The following MALRD1 variants were observed in gnomAD, a reference collection of about 807,000 sequenced individuals.
MALRD1 encodes MAM and LDL-receptor class A domain-containing protein 1.
In MALRD1, 247 loss-of-function variants were observed where a neutral mutation model predicts 242.1. That is an observed-to-expected ratio of 1.02 (90% CI 0.92 to 1.13). The LOEUF (loss-of-function observed/expected upper bound fraction) is 1.13. Ranked by LOEUF, MALRD1 falls within the 50% of genes most tolerant of loss-of-function variation. The pLI, the probability that MALRD1 is intolerant of heterozygous loss-of-function variation, is 0.00. For missense variants in MALRD1, 2,989 were observed against 2,533.1 expected (o/e 1.18, Z -3.86); for synonymous variants, 995 against 866.6 (o/e 1.15, Z -2.60).
At chr10:19,422,236 C>T (rs910922004) in intron 28 of MALRD1, among the ~76,000 whole-genome samples, 6 of 152,182 alleles carry the variant, frequency 3.9e-5, no homozygotes, top group Non-Finnish European at 7.4e-5. Flanking sequence ...TGGAATGCCA[C>T]TTTGCAGTAC....
chr10:19,407,960 A>G (rs1250959751), intron 28 of MALRD1, among the ~76,000 whole-genome samples: 1 of 152,188 alleles, frequency 6.6e-6, no homozygotes, highest in African/African-American at 2.4e-5. Context: ...CACTGTTACC[A>G]AACACCATGG....
At chr10:19,427,976 C>T (rs1833964446) in intron 28 of MALRD1, among the ~76,000 whole-genome samples, 1 of 152,106 alleles carries the variant, frequency 6.6e-6, no homozygotes, top group African/African-American at 2.4e-5. Context: ...TCTCAAATTG[C>T]ATACACTAAT....
At chr10:19,489,070 C>CCGCGCA (rs1564384506) in intron 29 of MALRD1, 6 of 459,448 alleles carry the variant, frequency 1.3e-5, no homozygotes, top group Middle Eastern at 3.3e-4. Flanking sequence ...GCGCCAGGCA[C>CCGCGCA]CGCGCACGCG....
intron 31 of MALRD1, among the ~76,000 whole-genome samples, chr10:19,500,932 G>A (rs745543740): frequency 6.6e-6 from 1 of 151,994 alleles, no homozygotes; most frequent in Non-Finnish European, 1.5e-5. Context: ...ATTACAGAAG[G>A]AGGGAAAAGA....
chr10:19,650,080 G>T (rs1840801342), intron 36 of MALRD1, among the ~76,000 whole-genome samples: 1 of 151,900 alleles, frequency 6.6e-6, no homozygotes, highest in Non-Finnish European at 1.5e-5. Context: ...GCAGAGAAAT[G>T]GAAATTATAA....
chr10:19,461,719 C>A, intron 29 of MALRD1, among the ~76,000 whole-genome samples: 1 of 151,930 alleles, frequency 6.6e-6, no homozygotes, highest in East Asian at 1.9e-4. Flanking sequence ...TGGTGTACAC[C>A]TGTGGTCCCA....
chr10:19,297,010 A>G (rs1003501139), intron 21 of MALRD1, among the ~76,000 whole-genome samples: 1 of 151,512 alleles, frequency 6.6e-6, no homozygotes. Flanking sequence ...TGAAATTTCT[A>G]TAATGCCTTT....
At chr10:19,103,171 A>G (rs959721688) in intron 4 of MALRD1, among the ~76,000 whole-genome samples, 2 of 152,120 alleles carry the variant, frequency 1.3e-5, no homozygotes, top group African/African-American at 4.8e-5. Context: ...TTTAACAATA[A>G]GTCACAGAAC....
rs181324923 is a variant in MALRD1 at position 19,132,103 on chromosome 10, A to G, written c.1111-1753A>G. ...TGGAAAGAACACTGCTCACTTTTCA[A>G]AAATGTAAGTGCACCCATCTTCAGG... On this transcript the variant is annotated intron_variant, in intron 8 of 39. Transcript: ENST00000454679. Among the ~76,000 whole-genome samples the G allele has an allele frequency of 6.7e-4, 102 of 152,290 alleles. No individual in the cohort carries two copies. The South Asian group carries it at 0.014, about 22-fold the overall frequency.
intron 29 of MALRD1, among the ~76,000 whole-genome samples, chr10:19,478,252 A>G (rs1836833011): frequency 6.6e-6 from 1 of 152,210 alleles, no homozygotes; most frequent in African/African-American, 2.4e-5. Flanking sequence ...AAGCTATCTG[A>G]ACAAAGGAAA....
intron 19 of MALRD1, among the ~76,000 whole-genome samples, chr10:19,277,293 A>G (rs1410232693): frequency 6.6e-6 from 1 of 152,214 alleles, no homozygotes; most frequent in Non-Finnish European, 1.5e-5. Flanking sequence ...CTTGGGGAAT[A>G]GAATGCTCAT....
chr10:19,588,189 T>G (rs1837547226), intron 33 of MALRD1, among the ~76,000 whole-genome samples: 1 of 152,318 alleles, frequency 6.6e-6, no homozygotes, highest in African/African-American at 2.4e-5. Context: ...ATATTGTTGA[T>G]CTATGCTTTT....
chr10:19,323,977 G>A lies in MALRD1; in HGVS notation c.3448G>A (p.Ala1150Thr). 1 of 1,550,722 alleles carries A rather than the reference G, an allele frequency of 6.4e-7. No homozygotes were observed. Among genetic ancestry groups the A allele is most frequent in the Non-Finnish European group, 8.7e-7 (1 of 1,146,896 alleles). Residue 1150 changes from alanine to threonine, a missense_variant, in exon 22 of 40, where the codon GCT becomes ACT. Physicochemically the swap from Ala to Thr is moderately conservative, Grantham distance 58. Transcript: ENST00000454679. ...QNTTDGWYLY[A>T]DSSNGKFGDT... ...TACCACTGATGGCTGGTACCTGTAT[G>A]CTGACAGTTCTAATGGGAAATTTGG...
At chr10:19,114,015 T>C (rs1212046024) in intron 5 of MALRD1, among the ~76,000 whole-genome samples, 2 of 152,168 alleles carry the variant, frequency 1.3e-5, no homozygotes, top group Non-Finnish European at 2.9e-5. Flanking sequence ...ATGCCAAATA[T>C]TTGAGATTTT....
intron 21 of MALRD1, among the ~76,000 whole-genome samples, chr10:19,286,938 C>A (rs565483272): frequency 4.0e-5 from 6 of 150,708 alleles, no homozygotes; most frequent in African/African-American, 1.5e-4. Context: ...ACTGGCAAAC[C>A]GAATCCAGCA....
At chr10:19,473,887 A>G (rs1231569813) in intron 29 of MALRD1, among the ~76,000 whole-genome samples, 1 of 152,144 alleles carries the variant, frequency 6.6e-6, no homozygotes. Flanking sequence ...AATTTTTGTA[A>G]GAACCACCAC....
At chr10:19,282,793 A>G (rs1250130459) in intron 20 of MALRD1, among the ~76,000 whole-genome samples, 12 of 152,274 alleles carry the variant, frequency 7.9e-5, no homozygotes, top group African/African-American at 7.2e-5. Context: ...GATCATTAGT[A>G]TATGTATTTT....
intron 5 of MALRD1, among the ~76,000 whole-genome samples, chr10:19,109,470 T>A (rs1419432347): frequency 1.3e-5 from 2 of 152,104 alleles, no homozygotes; most frequent in Non-Finnish European, 2.9e-5. Flanking sequence ...TGCCTATAAT[T>A]TGGGGGTAAA....
chr10:19,635,502 A>G (rs906682919), intron 36 of MALRD1, among the ~76,000 whole-genome samples: 1 of 152,162 alleles, frequency 6.6e-6, no homozygotes, highest in Non-Finnish European at 1.5e-5. Context: ...TAAATACAGT[A>G]GAAGACAGAA....
Sources: allele counts gnomAD v4.1 joint callset (sites outside exome capture counted in the v4.1 genomes callset), GRCh38; gene constraint gnomAD v4.1.1; transcripts MANE v1.5; gene names NCBI Gene and HGNC (gene_info 2026-07-23, HGNC 2026-07-21).